Variants in PEAK1 observed in about 807,000 individuals in gnomAD.
PEAK1 encodes pseudopodium enriched atypical kinase 1.
Under a neutral mutation model 124.7 loss-of-function variants are expected in PEAK1, and 54 were observed. That is an observed-to-expected ratio of 0.43 (90% confidence interval 0.35 to 0.54). The LOEUF (loss-of-function observed/expected upper bound fraction) is 0.54, where lower values mean the gene tolerates loss of function less well. PEAK1 is among the 20% of genes least tolerant of loss of function. The probability of loss-of-function intolerance (pLI) is 0.01; values close to 1 mark genes in which losing one functional copy is unlikely to be tolerated. For missense variants in PEAK1, 2,046 were observed against 2,134.5 expected (o/e 0.96, Z 0.82); for synonymous variants, 719 against 760.0 (o/e 0.95, Z 0.89).
chr15:77,281,226 T>C (rs1312608900), intron 5 of PEAK1, among the ~76,000 whole-genome samples: 3 of 152,326 alleles, frequency 2.0e-5, no homozygotes, highest in Non-Finnish European at 1.5e-5. Context: ...TGTAAAAAAG[T>C]ATGTGAACTG....
intron 9 of PEAK1, among the ~76,000 whole-genome samples, chr15:77,129,719 T>G (rs1271884244): frequency 6.6e-6 from 1 of 152,126 alleles, no homozygotes; most frequent in Non-Finnish European, 1.5e-5. Flanking sequence ...CTGTTGAGAT[T>G]ACAGGCGTGA....
intron 7 of PEAK1, among the ~76,000 whole-genome samples, chr15:77,170,202 G>T (rs1219609159): frequency 6.6e-6 from 1 of 152,058 alleles, no homozygotes; most frequent in African/African-American, 2.4e-5. Context: ...GATAACTGTT[G>T]AAGTGTGGTT....
exon 7 of PEAK1, chr15:77,102,398 C>A (rs951528714): frequency 6.6e-6 from 1 of 152,122 alleles, no homozygotes; most frequent in Non-Finnish European, 1.5e-5. Context: ...GGTTTATCAC[C>A]TTTAGTCAAA....
rs372256940 is a variant in PEAK1, at chr15:77,114,386, G to T, written c.5011C>A (p.Arg1671Ser). 2 of 1,614,036 alleles carry T rather than the reference G, an allele frequency of 1.2e-6. No homozygotes were observed. Among genetic ancestry groups the T allele is most frequent in the Non-Finnish European group, 1.7e-6 (2 of 1,180,032 alleles). Residue 1671 changes from arginine to serine, a missense_variant, in exon 10 of 10, where the codon CGC (arginine) becomes AGC (serine). By Grantham distance (110) the Arg-to-Ser change is moderately radical. Coordinates refer to ENST00000682557, the MANE Select transcript of PEAK1 (RefSeq NM_001385026.1). ...GILQCLLWGP[R>S]EDLFQTFTAC... is the part of the protein sequence containing the mutation. ...GTGAAAGTCTGGAAGAGATCTTCGC[G>T]GGGGCCCCAGAGCAGACACTGGAGG...
At chr15:77,352,456 G>C in intron 2 of PEAK1, 2 of 985,260 alleles carry the variant, frequency 2.0e-6, no homozygotes, top group Non-Finnish European at 1.2e-6. Flanking sequence ...GGGAGATGAG[G>C]GACAGCTGTT....
intron 2 of PEAK1, among the ~76,000 whole-genome samples, chr15:77,289,116 A>G (rs2063082173): frequency 6.6e-6 from 1 of 152,130 alleles, no homozygotes; most frequent in African/African-American, 2.4e-5. Context: ...AGACCTTCAA[A>G]TATTTTTTTC....
rs865953801 is a variant in PEAK1 at position 77,369,958 on chromosome 15, A to G, written c.-665-4733T>C. Among the ~76,000 whole-genome samples, 10 of 152,198 alleles carry G rather than the reference A, an allele frequency of 6.6e-5. No homozygotes were observed. In the South Asian group the frequency reaches 1.9e-3, roughly 28 times the overall value. Reference sequence around the variant, plus strand: ...AAAAGAGGTACAACACAGTAAGTACACTCTCCTCCAACTCTCCACTGAGCC... The same window carrying G: ...AAAAGAGGTACAACACAGTAAGTACGCTCTCCTCCAACTCTCCACTGAGCC... On this transcript the variant is annotated intron_variant, in intron 1 of 9. Transcript: ENST00000682557.
intron 8 of PEAK1, among the ~76,000 whole-genome samples, chr15:77,148,308 G>GT (rs1242494227): frequency 1.3e-5 from 2 of 152,064 alleles, no homozygotes; most frequent in African/African-American, 4.8e-5. Flanking sequence ...TTTAAATGGA[G>GT]TTTTTTAAAA....
intron 9 of PEAK1, among the ~76,000 whole-genome samples, chr15:77,125,157 A>AGCTATGGACATGATATTATAATAGAT (rs2052266606): frequency 6.6e-6 from 1 of 152,208 alleles, no homozygotes; most frequent in Non-Finnish European, 1.5e-5. Context: ...ATTGAATGCC[A>AGCTATGGACATGATATTATAATAGAT]GCTATGGACA....
intron 5 of PEAK1, among the ~76,000 whole-genome samples, chr15:77,262,299 G>A (rs1024702939): frequency 3.9e-5 from 6 of 152,014 alleles, no homozygotes; most frequent in African/African-American, 7.2e-5. Context: ...GCTCCAATTA[G>A]AAGACACAGA....
intron 1 of PEAK1, among the ~76,000 whole-genome samples, chr15:77,408,193 GAAT>G (rs970362972): frequency 7.7e-6 from 1 of 129,342 alleles, no homozygotes; most frequent in African/African-American, 2.8e-5. Flanking sequence ...ACACACCCTG[GAAT>G]ACTACTCAGC....
At chr15:77,342,509 G>A (rs541561727) in intron 2 of PEAK1, among the ~76,000 whole-genome samples, 1 of 150,654 alleles carries the variant, frequency 6.6e-6, no homozygotes, top group Admixed American at 6.6e-5. Context: ...GGGCTCAAGT[G>A]ATTCTCCTGC....
chr15:77,309,549 T>C (rs1366229711), intron 2 of PEAK1, among the ~76,000 whole-genome samples: 2 of 152,134 alleles, frequency 1.3e-5, no homozygotes, highest in Non-Finnish European at 2.9e-5. Context: ...TTGAAAATGA[T>C]AGTAATATGC....
intron 8 of PEAK1, among the ~76,000 whole-genome samples, chr15:77,147,098 C>T (rs1324543889): frequency 6.6e-6 from 1 of 152,058 alleles, no homozygotes; most frequent in East Asian, 1.9e-4. Context: ...AGAAAGGAAA[C>T]AGAGGCATGG....
intron 5 of PEAK1, among the ~76,000 whole-genome samples, chr15:77,272,516 T>G (rs1429649009): frequency 6.6e-6 from 1 of 152,142 alleles, no homozygotes; most frequent in Non-Finnish European, 1.5e-5. Context: ...CTAGAGGAGA[T>G]GGATAAATTC....
rs377366924 is a variant in PEAK1 at position 77,173,186 on chromosome 15, A to G, written c.3137+5604T>C. On this transcript the variant is annotated intron_variant, in intron 7 of 9. Transcript: ENST00000682557. Reference sequence around the variant, plus strand: ...TTTAACCACTGTTGTTTATGCACCAACAATGCAACTGTCAACACAATGAAA... The same window carrying G: ...TTTAACCACTGTTGTTTATGCACCAGCAATGCAACTGTCAACACAATGAAA... 7.9e-5 allele frequency among the ~76,000 whole-genome samples: 12 copies of G among 152,330 alleles called. No individual in the cohort carries two copies. In the East Asian group the frequency reaches 1.7e-3, roughly 22 times the overall value.
rs55736391 is a variant in PEAK1, at chr15:77,115,110, C to T, written c.4287G>A (p.Thr1429=). ...EETEEDAKGE[T]DGKNPKPCSE... ...AACAGGGCTTTGGGTTTTTCCCATC[C>T]GTTTCTCCTTTGGCGTCTTCTTCAG... Residue 1429 remains threonine, a synonymous_variant, in exon 10 of 10, where the codon ACG becomes ACA. Coordinates refer to ENST00000682557, the MANE Select transcript of PEAK1 (RefSeq NM_001385026.1). 51 of 1,613,976 alleles carry T rather than the reference C, an allele frequency of 3.2e-5. No individual in the cohort carries two copies. The highest frequency in any genetic ancestry group is 3.9e-5 in the Non-Finnish European group (46 of 1,180,014).
At chr15:77,136,826 T>C (rs1164499075) in intron 8 of PEAK1, among the ~76,000 whole-genome samples, 1 of 152,182 alleles carries the variant, frequency 6.6e-6, no homozygotes, top group Non-Finnish European at 1.5e-5. Context: ...TGAAGGTTAA[T>C]CCCCAAGACA....
chr15:77,337,975 A>G, intron 2 of PEAK1: 1 of 984,114 alleles, frequency 1.0e-6, no homozygotes, highest in Non-Finnish European at 1.2e-6. Flanking sequence ...CCATCATACC[A>G]CTTTCTGGAA....
Sources: gnomAD v4.1 joint callset for allele counts (sites outside exome capture counted in the v4.1 genomes callset) on GRCh38, gnomAD v4.1.1 for gene constraint, MANE v1.5 for transcripts, NCBI Gene and HGNC (gene_info 2026-07-23, HGNC 2026-07-21) for gene names.